UGGT1: variants seen among roughly 807,000 people sequenced by gnomAD.
UGGT1 encodes the protein UDP-glucose:glycoprotein glucosyltransferase 1.
Under a neutral mutation model 203.9 loss-of-function variants are expected in UGGT1, and 107 were observed. That is an observed-to-expected ratio of 0.52 (90% CI 0.45 to 0.62). The LOEUF (loss-of-function observed/expected upper bound fraction) is 0.62, where lower values mean the gene tolerates loss of function less well. Ranked by LOEUF, UGGT1 falls within the 20% of genes least tolerant of loss-of-function variation. UGGT1 has a pLI of 0.00. For synonymous variants in UGGT1, 628 were observed against 653.5 expected (o/e 0.96, Z 0.59); for missense variants, 1,673 against 1,867.2 (o/e 0.90, Z 1.92).
Position 128,176,103 on chromosome 2 carries a change from A to G in UGGT1, c.3540-711A>G, listed in dbSNP as rs182769318. Among the ~76,000 whole-genome samples the G allele has an allele frequency of 1.9e-3, 282 of 152,210 alleles. 1 individual carries two copies. The highest frequency in any genetic ancestry group is 5.1e-3 in the Admixed American group (78 of 15,294). On this transcript the variant is annotated intron_variant, in intron 31 of 40. Coordinates refer to ENST00000259253, the MANE Select transcript of UGGT1 (RefSeq NM_020120.4). ...AGAGCGAGCAGATTTCCTTTACAAC[A>G]CTATTCCAGTTAAAGAGTAGTGGCC...
chr2:128,091,541 A>G, intron 1 of UGGT1, 126 bp downstream of exon 1: 1 of 1,451,536 alleles, frequency 6.9e-7, no homozygotes, highest in Non-Finnish European at 9.1e-7. Flanking sequence ...CTGGTGTCCT[A>G]TCCCTTCCCC....
At chr2:128,179,719 C>T in intron 34 of UGGT1, 67 bp from the exon 35 acceptor site, 2 of 1,360,138 alleles carry the variant, frequency 1.5e-6, no homozygotes, top group Non-Finnish European at 1.0e-6. Flanking sequence ...TCGTGATTGA[C>T]TCTACATAAT....
intron 5 of UGGT1, among the ~76,000 whole-genome samples, chr2:128,112,375 A>G (rs1222670496): frequency 2.1e-5 from 3 of 143,006 alleles, no homozygotes; most frequent in Non-Finnish European, 4.6e-5. Context: ...AGCTGAGACC[A>G]TGTCATTGCA....
rs1157000059 is a variant in UGGT1, at chr2:128,193,313, G to A, written c.*3571G>A. 1 of 149,988 alleles carries A rather than the reference G, an allele frequency of 6.7e-6. No homozygotes were observed. The highest frequency in any genetic ancestry group is 2.5e-5 in the African/African-American group (1 of 40,664). The allele number at this position is 149,988 out of a possible 1,614,324, so 9.3% of individuals were successfully genotyped here. A position where few individuals can be genotyped will look rare whatever the true frequency, so the allele number is the denominator to read the frequency against. ...GTCACCCAGGCTGGAGTGCAGTGGT[G>A]CGATCTTGGCTCACTTCAACCTCTG... On this transcript the variant is annotated 3_prime_UTR_variant, in exon 41 of 41. Coordinates refer to ENST00000259253, the MANE Select transcript of UGGT1 (RefSeq NM_020120.4).
intron 1 of UGGT1, among the ~76,000 whole-genome samples, chr2:128,096,865 A>G (rs1687138628): frequency 6.6e-6 from 1 of 152,144 alleles, no homozygotes; most frequent in Non-Finnish European, 1.5e-5. Context: ...TATGGTGTAG[A>G]TTGCTTGGGA....
chr2:128,176,433 AG>A (rs1329641412), intron 31 of UGGT1, among the ~76,000 whole-genome samples: 1 of 141,382 alleles, frequency 7.1e-6, no homozygotes, highest in Non-Finnish European at 1.5e-5. Flanking sequence ...AAAAAAAAAG[AG>A]CGGAGGCAGT....
intron 32 of UGGT1, 143 bp downstream of exon 32, chr2:128,177,041 CTG>C (rs1691429811): frequency 4.3e-6 from 3 of 704,378 alleles, no homozygotes; most frequent in Admixed American, 6.2e-5. Context: ...GTCTTTGTAA[CTG>C]TGAGTTTGTG....
intron 31 of UGGT1, among the ~76,000 whole-genome samples, chr2:128,176,590 G>A (rs983358318): frequency 6.6e-6 from 1 of 152,070 alleles, no homozygotes; most frequent in Non-Finnish European, 1.5e-5. Flanking sequence ...TACGTGATGG[G>A]TAATTTGCAA....
intron 17 of UGGT1, 78 bp from the exon 18 acceptor site, chr2:128,145,725 T>G: frequency 1.6e-6 from 2 of 1,283,740 alleles, no homozygotes; most frequent in Non-Finnish European, 2.1e-6. Flanking sequence ...AGAACAGGCA[T>G]GTAAGAAAAA....
rs368986006 is a variant in UGGT1, at chr2:128,193,353, A to T, written c.*3611A>T. On this transcript the variant is annotated 3_prime_UTR_variant, in exon 41 of 41. Transcript: ENST00000259253. ...TTCAACCTCTGCCTCCCAAGTTCAA[A>T]CAATTCTCCTGCCTCAGCCTCCTGA... is the stretch of plus-strand genomic sequence containing the variant. 2.0e-5 allele frequency: 3 copies of T among 150,854 alleles called. No homozygotes were observed. The allele number at this position is 150,854 out of a possible 1,614,324, so 9.3% of individuals were successfully genotyped here.
intron 28 of UGGT1, 100 bp downstream of exon 28, chr2:128,171,384 A>G (rs1157638931): frequency 2.1e-5 from 22 of 1,071,148 alleles, no homozygotes; most frequent in Non-Finnish European, 2.8e-5. Flanking sequence ...GGTGGACATC[A>G]TGTTTGAAAT....
At chr2:128,154,477 G>A (rs1273120100) in intron 19 of UGGT1, among the ~76,000 whole-genome samples, 2 of 152,152 alleles carry the variant, frequency 1.3e-5, no homozygotes, top group Non-Finnish European at 2.9e-5. Flanking sequence ...ACCTGGTGGT[G>A]GTGGCATTGT....
chr2:128,143,318 G>A, intron 17 of UGGT1, 93 bp downstream of exon 17: 1 of 1,372,446 alleles, frequency 7.3e-7, no homozygotes, highest in Non-Finnish European at 9.7e-7. Flanking sequence ...GGCGATGGTG[G>A]TTAAAGTGTT....
chr2:128,161,463 C>T (rs553846075), intron 25 of UGGT1, among the ~76,000 whole-genome samples, 195 bp downstream of exon 25: 3 of 152,180 alleles, frequency 2.0e-5, no homozygotes, highest in Non-Finnish European at 4.4e-5. Context: ...TTGTAGGGTA[C>T]TATTTAAGGA....
chr2:128,161,436 A>G (rs954395431), intron 25 of UGGT1, among the ~76,000 whole-genome samples, 168 bp downstream of exon 25: 1 of 152,216 alleles, frequency 6.6e-6, no homozygotes, highest in African/African-American at 2.4e-5. Context: ...GCTTCTGTTG[A>G]AACAAGATAA....
Position 128,194,085 on chromosome 2 carries a change from T to G in UGGT1, c.*4343T>G, listed in dbSNP as rs1031158574. 6.6e-6 allele frequency: 1 copy of G among 152,104 alleles called. No individual in the cohort carries two copies. The highest frequency in any genetic ancestry group is 2.4e-5 in the African/African-American group (1 of 41,422). The allele number at this position is 152,104 out of a possible 1,614,324, so 9.4% of individuals were successfully genotyped here. On this transcript the variant is annotated 3_prime_UTR_variant, in exon 41 of 41. Transcript: ENST00000259253. ...AGTTATTTAAATATATGTATTCCATTGTTGCGTGGTTTTTTTCCCCCCTCA... is the reference window on the plus strand; with the variant it reads ...AGTTATTTAAATATATGTATTCCATGGTTGCGTGGTTTTTTTCCCCCCTCA...
intron 24 of UGGT1, 86 bp downstream of exon 24, chr2:128,160,677 C>G: frequency 2.7e-6 from 4 of 1,483,164 alleles, no homozygotes; most frequent in Non-Finnish European, 3.6e-6. Context: ...ACTCTTCAGA[C>G]AGAGCCACTC....
chr2:128,183,992 G>A (rs903582354), intron 38 of UGGT1, among the ~76,000 whole-genome samples: 1 of 151,898 alleles, frequency 6.6e-6, no homozygotes, highest in African/African-American at 2.4e-5. Flanking sequence ...ATATCAGCGT[G>A]AAAAATGTCA....
chr2:128,093,651 A>G (rs1686973553), intron 1 of UGGT1, among the ~76,000 whole-genome samples: 3 of 152,226 alleles, frequency 2.0e-5, no homozygotes. Context: ...TCTCAGTCTG[A>G]GTCTGCACAG....
Sources: gnomAD v4.1 joint callset for allele counts (sites outside exome capture counted in the v4.1 genomes callset) on GRCh38, gnomAD v4.1.1 for gene constraint, MANE v1.5 for transcripts, NCBI Gene and HGNC (gene_info 2026-07-23, HGNC 2026-07-21) for gene names.